Variants in GIT2 observed in about 807,000 individuals in gnomAD.
The protein encoded by GIT2 is GIT ArfGAP 2.
In GIT2, 32 loss-of-function variants were observed where a neutral mutation model predicts 100.3. The observed-to-expected ratio is 0.32, with a 90% CI of 0.24 to 0.43. The LOEUF (loss-of-function observed/expected upper bound fraction) is 0.43. Ranked by LOEUF, GIT2 falls within the 20% of genes least tolerant of loss-of-function variation. The pLI is 1.00. For synonymous variants in GIT2, 353 were observed against 364.1 expected (o/e 0.97, Z 0.35); for missense variants, 737 against 975.1 (o/e 0.76, Z 3.25).
chr12:109,967,063 T>C (rs1882688615), intron 8 of GIT2, among the ~76,000 whole-genome samples: 1 of 152,248 alleles, frequency 6.6e-6, no homozygotes, highest in South Asian at 2.1e-4. Flanking sequence ...AGTTAAGCTG[T>C]TGCGAAAGCG....
chr12:109,956,681 T>C (rs1879568021), intron 12 of GIT2, among the ~76,000 whole-genome samples: 1 of 152,210 alleles, frequency 6.6e-6, no homozygotes, highest in South Asian at 2.1e-4. Context: ...TACATAAATA[T>C]GTTTTCCTTA....
chr12:109,946,248 ACT>A (rs1332385426), intron 15 of GIT2, among the ~76,000 whole-genome samples: 2 of 152,104 alleles, frequency 1.3e-5, no homozygotes, highest in East Asian at 3.9e-4. Context: ...GAGATAACAG[ACT>A]CCCAATTATA....
intron 7 of GIT2, among the ~76,000 whole-genome samples, chr12:109,970,179 C>T (rs367725438): frequency 1.4e-4 from 21 of 151,986 alleles, no homozygotes; most frequent in Non-Finnish European, 1.8e-4. Flanking sequence ...CATGGATGTC[C>T]GGTTGTCCCA....
Position 109,957,502 on chromosome 12 carries a change from A to T in GIT2, c.1099+2345T>A, listed in dbSNP as rs913168112. On this transcript the variant is annotated intron_variant, in intron 12 of 19. Coordinates refer to ENST00000355312, the MANE Select transcript of GIT2 (RefSeq NM_057169.5). Reference sequence around the variant, plus strand: ...TTACATATTCTTTTAAAAAAAGATAAGTATGTATTTTTTTTTTTTTTTGAG... The same window carrying T: ...TTACATATTCTTTTAAAAAAAGATATGTATGTATTTTTTTTTTTTTTTGAG... Among the ~76,000 whole-genome samples the T allele has an allele frequency of 2.0e-5, 3 of 151,556 alleles. No homozygotes were observed. In the East Asian group the frequency reaches 5.8e-4, roughly 29 times the overall value.
chr12:109,969,723 G>A (rs1047856170), intron 7 of GIT2, among the ~76,000 whole-genome samples: 1 of 151,412 alleles, frequency 6.6e-6, no homozygotes, highest in African/African-American at 2.4e-5. Flanking sequence ...ATAGCTAAAA[G>A]CTTTCATCCA....
intron 7 of GIT2, among the ~76,000 whole-genome samples, chr12:109,968,436 T>C (rs1883020058): frequency 1.3e-5 from 2 of 152,218 alleles, no homozygotes; most frequent in South Asian, 4.1e-4. Flanking sequence ...CTTATTTATT[T>C]ATTTGAGACA....
intron 14 of GIT2, 141 bp downstream of exon 14, chr12:109,951,026 A>G: frequency 1.3e-6 from 1 of 755,338 alleles, no homozygotes; most frequent in Non-Finnish European, 2.3e-6. Context: ...TCCTGCTTCA[A>G]AAAGACAACT....
intron 7 of GIT2, among the ~76,000 whole-genome samples, chr12:109,969,220 T>C (rs1353867734): frequency 7.1e-6 from 1 of 140,482 alleles, no homozygotes; most frequent in African/African-American, 2.7e-5. Flanking sequence ...CAGGCTAGAG[T>C]GCAATGGTGC....
Position 109,959,920 on chromosome 12 carries a change from A to G in GIT2, c.1026T>C (p.Phe342=). The G allele has an allele frequency of 6.2e-7, 1 of 1,613,956 alleles. No homozygotes were observed. Among genetic ancestry groups the G allele is most frequent in the South Asian group, 1.1e-5 (1 of 91,076 alleles). ...QKLARFNAHE[F]ATLVIDILSD... The stretch of plus-strand genomic sequence containing the variant: ...TGAGAATGTCAATGACCAGCGTGGC[A>G]AACTCATGGGCGTTGAACCGAGCTA... Residue 342 remains phenylalanine, a synonymous_variant, in exon 12 of 20, where the codon TTT becomes TTC. Coordinates refer to ENST00000355312, the MANE Select transcript of GIT2 (RefSeq NM_057169.5).
At chr12:109,985,790 T>C (rs1189494615) in intron 4 of GIT2, among the ~76,000 whole-genome samples, 1 of 151,588 alleles carries the variant, frequency 6.6e-6, no homozygotes, top group Non-Finnish European at 1.5e-5. Flanking sequence ...GAGGTGGAAG[T>C]TGCAGTGAGC....
chr12:109,938,525 C>T lies in GIT2; in HGVS notation c.1858G>A (p.Asp620Asn), dbSNP rs769749273. The change falls in exon 18 of 20, where the codon GAT becomes AAT. Residue 620 changes from aspartate to asparagine, a missense_variant. Physicochemically the swap from Asp to Asn is conservative, Grantham distance 23. Around this residue, in one of 3 missense-constraint regions of GIT2, gnomAD observed 451 missense variants for 543.7 expected, o/e 0.83. Coordinates refer to ENST00000355312, the MANE Select transcript of GIT2 (RefSeq NM_057169.5). ...GRQRSMVWPG[D>N]GLVPDTAEPH... ...TCTGCTGTGTCTGGTACCAAGCCAT[C>T]CCCTGGCCACACCATACTTCTTTGC... 18 of 1,611,156 alleles carry T rather than the reference C, an allele frequency of 1.1e-5. No homozygotes were observed. The East Asian group carries it at 3.8e-4, about 34-fold the overall frequency.
Position 109,941,003 on chromosome 12 carries a change from G to A in GIT2, c.1732-1756C>T, listed in dbSNP as rs546799265. Among the ~76,000 whole-genome samples, 69 of 151,018 alleles carry A rather than the reference G, an allele frequency of 4.6e-4. No homozygotes were observed. In the South Asian group the frequency reaches 7.8e-3, roughly 17 times the overall value. On this transcript the variant is annotated intron_variant, in intron 16 of 19. Coordinates refer to ENST00000355312, the MANE Select transcript of GIT2 (RefSeq NM_057169.5). ...CCTGGTGGGTACAGGCAAGGCAGCCGGACCCACGTGGAGAAGCCCCCCTTA... is the reference window on the plus strand; with the variant it reads ...CCTGGTGGGTACAGGCAAGGCAGCCAGACCCACGTGGAGAAGCCCCCCTTA...
intron 9 of GIT2, among the ~76,000 whole-genome samples, 157 bp from the exon 10 acceptor site, chr12:109,961,842 C>A (rs554735571): frequency 6.6e-6 from 1 of 152,142 alleles, no homozygotes; most frequent in African/African-American, 2.4e-5. Flanking sequence ...TTTTCAAAAT[C>A]GTACAGGGCC....
chr12:109,949,057 A>G (rs1319552517), intron 14 of GIT2: 1 of 570,374 alleles, frequency 1.8e-6, no homozygotes, highest in Non-Finnish European at 3.1e-6. Flanking sequence ...TCTGAAGAGC[A>G]AGCCATTACA....
intron 12 of GIT2, among the ~76,000 whole-genome samples, chr12:109,957,877 G>T (rs1036389465): frequency 6.6e-6 from 1 of 152,004 alleles, no homozygotes; most frequent in South Asian, 2.1e-4. Flanking sequence ...TTTCCCTTCA[G>T]TTAATACCTA....
At chr12:109,974,575 A>G (rs1884648428) in intron 7 of GIT2, among the ~76,000 whole-genome samples, 1 of 152,180 alleles carries the variant, frequency 6.6e-6, no homozygotes, top group South Asian at 2.1e-4. Flanking sequence ...GGTATTCTCC[A>G]GTTTTATTTG....
At chr12:109,989,519 T>C (rs574388359) in intron 3 of GIT2, among the ~76,000 whole-genome samples, 171 bp downstream of exon 3, 93 of 152,336 alleles carry the variant, frequency 6.1e-4, no homozygotes, top group African/African-American at 2.1e-3. Context: ...GCTAAACAGA[T>C]GGTCCTGCCC....
intron 16 of GIT2, among the ~76,000 whole-genome samples, chr12:109,943,189 T>A (rs2136203875): frequency 6.6e-6 from 1 of 152,238 alleles, no homozygotes; most frequent in East Asian, 1.9e-4. Flanking sequence ...CCATACAAAT[T>A]AAAAAACAAA....
chr12:109,943,602 G>A (rs1207804072), intron 16 of GIT2, among the ~76,000 whole-genome samples: 1 of 151,604 alleles, frequency 6.6e-6, no homozygotes, highest in Non-Finnish European at 1.5e-5. Flanking sequence ...CCAAAGTGCT[G>A]GGATTACAGG....
Sources: gnomAD v4.1 joint callset for allele counts (sites outside exome capture counted in the v4.1 genomes callset) on GRCh38, gnomAD v4.1.1 for gene constraint, gnomAD v4.1.1 regional missense constraint, MANE v1.5 for transcripts, NCBI Gene and HGNC (gene_info 2026-07-23, HGNC 2026-07-21) for gene names.